SNAPC4: variants seen among roughly 807,000 people sequenced by gnomAD.
The protein encoded by SNAPC4 is snRNA-activating protein complex subunit 4.
SNAPC4 carries 127 observed loss-of-function variants against 151.3 expected under a neutral mutation model. That is an observed-to-expected ratio of 0.84 (90% CI 0.73 to 0.97). SNAPC4 has a LOEUF of 0.97. SNAPC4 is among the 50% of genes least tolerant of loss of function. The pLI is 0.00. For missense variants in SNAPC4, 2,186 were observed against 1,935.0 expected (o/e 1.13, Z -2.43); for synonymous variants, 1,002 against 824.4 (o/e 1.22, Z -3.69).
chr9:136,379,125 C>G lies in SNAPC4; in HGVS notation c.2702G>C (p.Arg901Pro), dbSNP rs1405212944. The G allele has an allele frequency of 3.8e-6, 6 of 1,565,154 alleles. No individual in the cohort carries two copies. The highest frequency in any genetic ancestry group is 5.2e-6 in the Non-Finnish European group (6 of 1,155,612). ...CTCCCTGGCACGGGCCTCCTGAAGC[C>G]GCTTCTCCTGAAGCAGCTCCGACAC... is the stretch of plus-strand genomic sequence containing the variant. ...KTVSELLQEK[R>P]LQEARAREAT... Residue 901 changes from arginine to proline, a missense_variant, in exon 22 of 24, where the codon CGG (arginine) becomes CCG (proline). Arg to Pro is a moderately radical substitution (Grantham distance 103). Coordinates refer to ENST00000684778, the MANE Select transcript of SNAPC4 (RefSeq NM_003086.4).
At chr9:136,376,234 C>A in intron 23 of SNAPC4, 115 bp downstream of exon 23, 1 of 1,297,178 alleles carries the variant, frequency 7.7e-7, no homozygotes, top group South Asian at 1.4e-5. Flanking sequence ...CCCACCTAAC[C>A]CAGCACACCT....
chr9:136,385,964 T>C (rs1029755055), intron 13 of SNAPC4, among the ~76,000 whole-genome samples: 1 of 152,230 alleles, frequency 6.6e-6, no homozygotes, highest in South Asian at 2.1e-4. Flanking sequence ...TGAATGATGC[T>C]GCTGTGGACA....
rs753092291 is a variant in SNAPC4, at chr9:136,394,326, T to C, written c.555A>G (p.Lys185=). The C allele has an allele frequency of 1.9e-6, 3 of 1,613,496 alleles. No individual in the cohort carries two copies. The highest frequency in any genetic ancestry group is 2.5e-6 in the Non-Finnish European group (3 of 1,179,812). The stretch of plus-strand genomic sequence containing the variant: ...TTCGGAGCAAGGCCTTTTCCCAGTT[T>C]TTCCCTGAGGAGAAGCCACAGCATC... ...AFEELLVTKW[K]NWEKALLRKS... Residue 185 remains lysine (K), a synonymous_variant, in exon 7 of 24, where the codon AAA becomes AAG. Transcript: ENST00000684778.
At chr9:136,395,846 T>G in intron 3 of SNAPC4, 76 bp from the exon 4 acceptor site, 1 of 1,433,750 alleles carries the variant, frequency 7.0e-7, no homozygotes, top group Non-Finnish European at 9.6e-7. Flanking sequence ...CAGTCGCCCA[T>G]CGCTGGGCCT....
chr9:136,397,186 G>A (rs1377726476), intron 2 of SNAPC4, among the ~76,000 whole-genome samples, 163 bp from the exon 3 acceptor site: 1 of 152,192 alleles, frequency 6.6e-6, no homozygotes, highest in Non-Finnish European at 1.5e-5. Flanking sequence ...ACAGCGGGGT[G>A]GGCACTGGAC....
rs1470611377 is a variant in SNAPC4, at chr9:136,397,018, G to A, written c.136C>T (p.Leu46=). Residue 46 remains leucine, a synonymous_variant, in exon 3 of 24, where the codon CTG becomes TTG. Coordinates refer to ENST00000684778, the MANE Select transcript of SNAPC4 (RefSeq NM_003086.4). ...GCAGGATCCAAGTCCTCAGAAGGCA[G>A]TGAATCTGTCAGAAACACAAGCAAC... ...SLESDSEADS[L]PSEDLDPADP... is the part of the protein sequence containing the mutation. The A allele has an allele frequency of 1.9e-6, 3 of 1,612,740 alleles. No homozygotes were observed. The highest frequency in any genetic ancestry group is 2.7e-5 in the African/African-American group (2 of 74,926).
intron 11 of SNAPC4, among the ~76,000 whole-genome samples, chr9:136,388,105 TA>T (rs1833951245): frequency 6.6e-6 from 1 of 152,062 alleles, no homozygotes; most frequent in South Asian, 2.1e-4. Flanking sequence ...CCGTCTCTAC[TA>T]AAAATACAAA....
intron 20 of SNAPC4, among the ~76,000 whole-genome samples, chr9:136,380,398 G>A (rs1020876956): frequency 2.6e-5 from 4 of 152,212 alleles, no homozygotes; most frequent in African/African-American, 9.6e-5. Flanking sequence ...CCAGGTGACG[G>A]GGCTCAAGGG....
intron 5 of SNAPC4, 27 bp downstream of exon 5, chr9:136,395,271 G>A (rs376942076): frequency 3.2e-5 from 51 of 1,607,746 alleles, no homozygotes; most frequent in Admixed American, 1.5e-4. Context: ...GAGCCTTGCC[G>A]ACAAGAGCAG....
chr9:136,395,492 C>A, intron 4 of SNAPC4, 69 bp from the exon 5 acceptor site: 1 of 1,572,430 alleles, frequency 6.4e-7, no homozygotes, highest in Non-Finnish European at 8.6e-7. Context: ...GGAGGAGACC[C>A]GGGGCAGAGG....
At chr9:136,380,894 G>T (rs771488085) in intron 19 of SNAPC4, 44 bp from the exon 20 acceptor site, 1 of 1,216,948 alleles carries the variant, frequency 8.2e-7, no homozygotes, top group Non-Finnish European at 1.2e-6. Flanking sequence ...GCTTTCGGGA[G>T]CAGCTCCGAA....
intron 19 of SNAPC4, 113 bp downstream of exon 19, chr9:136,381,209 T>C: frequency 1.2e-6 from 1 of 845,484 alleles, no homozygotes; most frequent in Non-Finnish European, 2.0e-6. Context: ...TTTTCAAGGC[T>C]AGAAAACTTT....
chr9:136,388,119 T>G (rs1347991387), intron 11 of SNAPC4, among the ~76,000 whole-genome samples: 2 of 151,954 alleles, frequency 1.3e-5, no homozygotes, highest in Non-Finnish European at 2.9e-5. Context: ...AATACAAAAT[T>G]AGCTGGGCGT....
rs1381793145 is a variant in SNAPC4 at position 136,387,733 on chromosome 9, C to A, written c.1230+9G>T. The A allele has an allele frequency of 1.9e-6, 3 of 1,571,296 alleles. No homozygotes were observed. In the South Asian group the frequency reaches 3.3e-5, roughly 17 times the overall value. On this transcript the variant is annotated intron_variant, in intron 12 of 23. Transcript: ENST00000684778. ...AGAGCCCAGTTCTCCTAGGGTCCCG[C>A]ACACTTACAGCATCTTCCTCCGGGG...
rs76179734 is a variant in SNAPC4 at position 136,394,236 on chromosome 9, G to A, written c.632+13C>T. 4.4e-6 allele frequency: 7 copies of A among 1,607,858 alleles called. No homozygotes were observed. Among genetic ancestry groups the A allele is most frequent in the African/African-American group, 1.3e-5 (1 of 74,796 alleles). ...GCCTGAAGACCGTTTTTGACTTATG[G>A]TTTTAGACTTACTTCAGTAACTTGG... On this transcript the variant is annotated intron_variant, in intron 7 of 23. Transcript: ENST00000684778.
rs1234571451 is a variant in SNAPC4, at chr9:136,377,722, G to T, written c.4105C>A (p.Leu1369Met). The change falls in exon 22 of 24, where the codon CTG becomes ATG. Residue 1369 changes from leucine to methionine, a missense_variant. Coordinates refer to ENST00000684778, the MANE Select transcript of SNAPC4 (RefSeq NM_003086.4). ...PAYLLLRARF[L>M]AAFTLPALLA... ...AGCGCAGGGAGGGTGAAGGCTGCCA[G>T]GAACCGCGCCCGCAACAGGAGGTAG... 1.2e-6 allele frequency: 2 copies of T among 1,609,160 alleles called. No homozygotes were observed. The highest frequency in any genetic ancestry group is 4.5e-5 in the East Asian group (2 of 44,730).
Position 136,394,278 on chromosome 9 carries a change from C to T in SNAPC4, c.603G>A (p.Leu201=), listed in dbSNP as rs768680734. Residue 201 remains leucine, a synonymous_variant, in exon 7 of 24, where the codon CTG becomes CTA. Transcript: ENST00000684778. ...LLRKSVVSDR[L]QRLLQPKLLK... is the part of the protein sequence containing the mutation. Reference sequence around the variant, plus strand: ...GTAACTTGGGCTGAAGCAATCGCTGCAGGCGGTCACTCACCACTGACTTTC... The same window carrying T: ...GTAACTTGGGCTGAAGCAATCGCTGTAGGCGGTCACTCACCACTGACTTTC... 5 of 1,613,824 alleles carry T rather than the reference C, an allele frequency of 3.1e-6. No homozygotes were observed. Among genetic ancestry groups the T allele is most frequent in the Non-Finnish European group, 3.4e-6 (4 of 1,179,952 alleles).
At position 136,381,916 on chromosome 9, in the gene SNAPC4, C is replaced by G. The variant is rs767320500; in HGVS notation, c.2225G>C (p.Arg742Pro). The change falls in exon 18 of 24, where the codon CGC becomes CCC. Residue 742 changes from arginine (R) to proline (P), a missense_variant. Transcript: ENST00000684778. ...RHALHRRLLN[R>P]RLLLAVTPWV... ...AGGGGTCACAGCCAGCAGCAGCCTG[C>G]GGTTCAGGAGCCTCCGGTGCAGAGC... 1 of 1,612,844 alleles carries G rather than the reference C, an allele frequency of 6.2e-7. No individual in the cohort carries two copies.
In SNAPC4 at chr9:136,378,286, C is replaced by T; in HGVS notation, c.3541G>A (p.Ala1181Thr). The T allele has an allele frequency of 1.2e-6, 2 of 1,604,804 alleles. No individual in the cohort carries two copies. The highest frequency in any genetic ancestry group is 2.2e-5 in the South Asian group (2 of 89,622). Residue 1181 changes from alanine (A) to threonine (T), a missense_variant, in exon 22 of 24, where the codon GCC becomes ACC. Physicochemically the swap from Ala to Thr is moderately conservative, Grantham distance 58. Coordinates refer to ENST00000684778, the MANE Select transcript of SNAPC4 (RefSeq NM_003086.4). ...VAFVPGEAQV[A>T]REIPEPRTSS... ...GTCCTGGGCTCAGGTATCTCCCTGG[C>T]CACCTGGGCCTCTCCAGGGACAAAG... is the stretch of plus-strand genomic sequence containing the variant.
Sources: gnomAD v4.1 joint callset for allele counts (sites outside exome capture counted in the v4.1 genomes callset) on GRCh38, gnomAD v4.1.1 for gene constraint, MANE v1.5 for transcripts, NCBI Gene and HGNC (gene_info 2026-07-23, HGNC 2026-07-21) for gene names.